Variants in TARS1 observed in about 807,000 individuals in gnomAD.
TARS1 encodes the protein threonine--tRNA ligase 1, cytoplasmic.
Under a neutral mutation model 97.7 loss-of-function variants are expected in TARS1, and 57 were observed. The ratio of observed to expected loss-of-function variants is 0.58; its 90% CI spans 0.47 to 0.73. The LOEUF (loss-of-function observed/expected upper bound fraction) is 0.73. TARS1 is among the 30% of genes least tolerant of loss of function. TARS1 has a pLI of 0.00. For synonymous variants in TARS1, 312 were observed against 293.7 expected, an observed-to-expected ratio of 1.06 and a Z score of -0.64; for missense variants, 806 against 888.3, an observed-to-expected ratio of 0.91 and a Z score of 1.18.
intron 2 of TARS1, 129 bp from the exon 3 acceptor site, chr5:33,448,412 G>A (rs1156287215): frequency 4.2e-6 from 3 of 711,626 alleles, no homozygotes; most frequent in Non-Finnish European, 6.3e-6. Context: ...GATTTTGGCA[G>A]TGTTTATTTA....
chr5:33,440,861 G>A, upstream of TARS1: 8 of 565,070 alleles, frequency 1.4e-5, no homozygotes, highest in Middle Eastern at 4.8e-4. Context: ...TCTGTCACCC[G>A]AAAAGATTTT....
intron 1 of TARS1, among the ~76,000 whole-genome samples, chr5:33,444,172 G>C (rs1741295643): frequency 1.4e-4 from 22 of 152,174 alleles, no homozygotes; most frequent in Admixed American, 1.4e-3. Context: ...CACATAATGT[G>C]TGATTCTATT....
chr5:33,453,459 A>G (rs1171109720), intron 4 of TARS1, 47 bp downstream of exon 4: 1 of 1,608,866 alleles, frequency 6.2e-7, no homozygotes, highest in Admixed American at 1.7e-5. Context: ...GCAGATTCAC[A>G]TTTGAAGTCT....
Position 33,455,045 on chromosome 5 carries a change from A to G in TARS1, c.554A>G (p.Tyr185Cys), listed in dbSNP as rs982320984. The G allele has an allele frequency of 1.2e-6, 2 of 1,613,710 alleles. No individual in the cohort carries two copies. Among genetic ancestry groups the G allele is most frequent in the Admixed American group, 1.7e-5 (1 of 59,972 alleles). ...CCGCCAATAGAAAATGGATTCTATT[A>G]TGACATGTACCTCGAAGAAGGGTAA... is the stretch of plus-strand genomic sequence containing the variant. The part of the protein sequence containing the change: ...YGPPIENGFY[Y>C]DMYLEEGGVS... Residue 185 changes from tyrosine to cysteine, a missense_variant, in exon 5 of 19, where the codon TAT becomes TGT. Tyr to Cys is a radical substitution (Grantham distance 194, BLOSUM62 -2). This residue lies in a region of TARS1 where 356 missense variants were observed against 357.8 expected (regional missense o/e 0.99). Coordinates refer to ENST00000265112, the MANE Select transcript of TARS1 (RefSeq NM_152295.5).
At position 33,461,666 on chromosome 5, in the gene TARS1, G is replaced by A; in HGVS notation, c.1552-1G>A. 2 of 1,612,282 alleles carry A rather than the reference G, an allele frequency of 1.2e-6. No homozygotes were observed. Among genetic ancestry groups the A allele is most frequent in the Non-Finnish European group, 1.7e-6 (2 of 1,179,576 alleles). On this transcript the variant is annotated splice_acceptor_variant, in intron 13 of 18. Coordinates refer to ENST00000265112, the MANE Select transcript of TARS1 (RefSeq NM_152295.5). LOFTEE classifies it high-confidence loss of function. ...TAAAAATCATTTTGCTTTATCCTCAGCAACTTGAAAACAGTCTGAATGAAT... is the reference window on the plus strand; with the variant it reads ...TAAAAATCATTTTGCTTTATCCTCAACAACTTGAAAACAGTCTGAATGAAT...
intron 2 of TARS1, among the ~76,000 whole-genome samples, chr5:33,447,081 C>T (rs763656792): frequency 6.6e-6 from 1 of 152,074 alleles, no homozygotes; most frequent in Non-Finnish European, 1.5e-5. Flanking sequence ...GGCCAAAATG[C>T]GCTGTGACTG....
rs761179112 is a variant in TARS1, at chr5:33,467,541, C to T, written c.2024-19C>T. On this transcript the variant is annotated intron_variant, in intron 18 of 18. Coordinates refer to ENST00000265112, the MANE Select transcript of TARS1 (RefSeq NM_152295.5). ...TATCTTTAGATTAAGTCTGACAAAG[C>T]TTTGTGTGTTTGTTTTAGTTGTTGG... The T allele has an allele frequency of 2.5e-6, 4 of 1,605,824 alleles. No individual in the cohort carries two copies. The highest frequency in any genetic ancestry group is 3.4e-5 in the Admixed American group (2 of 58,396).
At chr5:33,457,859 C>T (rs1742104783) in intron 9 of TARS1, among the ~76,000 whole-genome samples, 1 of 152,138 alleles carries the variant, frequency 6.6e-6, no homozygotes, top group Non-Finnish European at 1.5e-5. Flanking sequence ...TGAATGTCCT[C>T]TAAACTGGAA....
At chr5:33,461,114 A>G (rs150085561) in intron 12 of TARS1, 44 bp from the exon 13 acceptor site, 2 of 1,606,012 alleles carry the variant, frequency 1.2e-6, no homozygotes, top group Non-Finnish European at 1.7e-6. Context: ...CAAGAAAGTC[A>G]AGGAAAATAA....
At chr5:33,467,426 C>A in intron 18 of TARS1, 134 bp from the exon 19 acceptor site, 1 of 937,654 alleles carries the variant, frequency 1.1e-6, no homozygotes, top group Non-Finnish European at 1.5e-6. Context: ...AACACATGGT[C>A]ACTTGTACCT....
chr5:33,455,879 A>T, intron 6 of TARS1, 123 bp from the exon 7 acceptor site: 1 of 1,004,012 alleles, frequency 1.0e-6, no homozygotes, highest in East Asian at 2.6e-5. Flanking sequence ...CCATTCCTTC[A>T]ACATGTTTTT....
rs1187217006 is a variant in TARS1, at chr5:33,455,046, T to C, written c.555T>C (p.Tyr185=). The part of the protein sequence containing the change: ...YGPPIENGFY[Y]DMYLEEGGVS... ...CGCCAATAGAAAATGGATTCTATTA[T>C]GACATGTACCTCGAAGAAGGGTAAG... Residue 185 remains tyrosine, a synonymous_variant, in exon 5 of 19, where the codon TAT becomes TAC. Coordinates refer to ENST00000265112, the MANE Select transcript of TARS1 (RefSeq NM_152295.5). The C allele has an allele frequency of 1.9e-6, 3 of 1,613,712 alleles. No homozygotes were observed. The African/African-American group carries it at 4.0e-5, about 22-fold the overall frequency.
At chr5:33,462,968 C>T (rs530288799) in intron 16 of TARS1, among the ~76,000 whole-genome samples, 1 of 152,300 alleles carries the variant, frequency 6.6e-6, no homozygotes, top group African/African-American at 2.4e-5. Flanking sequence ...ACAAGATAAT[C>T]TCTAGATTTC....
At position 33,441,098 on chromosome 5, in the gene TARS1, G is replaced by C. The variant is rs760609246; in HGVS notation, c.12G>C (p.Glu4Asp). Residue 4 changes from glutamate (E) to aspartate (D), a missense_variant, in exon 1 of 19, where the codon GAG (glutamate) becomes GAC (aspartate). Physicochemically the swap from Glu to Asp is conservative, Grantham distance 45 (BLOSUM62 2). Coordinates refer to ENST00000265112, the MANE Select transcript of TARS1 (RefSeq NM_152295.5). Reference sequence around the variant, plus strand: ...TTCGTCGTTCGCCAATGTTTGAGGAGAAGGCCAGCAGTCCTTCAGGGAAGA... The same window carrying C: ...TTCGTCGTTCGCCAATGTTTGAGGACAAGGCCAGCAGTCCTTCAGGGAAGA... Reference protein sequence around the residue: MFEEKASSPSGKMG... With the variant: MFEDKASSPSGKMG... 2 of 1,614,116 alleles carry C rather than the reference G, an allele frequency of 1.2e-6. No homozygotes were observed. The highest frequency in any genetic ancestry group is 2.2e-5 in the South Asian group (2 of 91,096).
chr5:33,458,415 C>T (rs1276850136), intron 9 of TARS1, 151 bp from the exon 10 acceptor site: 1 of 550,082 alleles, frequency 1.8e-6, no homozygotes, highest in East Asian at 3.3e-5. Flanking sequence ...ATCAGAAACA[C>T]TGACATGGTT....
intron 7 of TARS1, 41 bp from the exon 8 acceptor site, chr5:33,456,108 T>C: frequency 6.2e-7 from 1 of 1,612,640 alleles, no homozygotes; most frequent in Non-Finnish European, 8.5e-7. Flanking sequence ...GGTATGTATG[T>C]CATTTTGTCT....
chr5:33,441,082 C>A lies in TARS1; in HGVS notation c.-5C>A. 2 of 1,614,182 alleles carry A rather than the reference C, an allele frequency of 1.2e-6. No individual in the cohort carries two copies. The highest frequency in any genetic ancestry group is 2.2e-5 in the South Asian group (2 of 91,082). ...CGGGTTCTCTCATCGCTTCGTCGTT[C>A]GCCAATGTTTGAGGAGAAGGCCAGC... On this transcript the variant is annotated 5_prime_UTR_variant, in exon 1 of 19. Transcript: ENST00000265112.
In TARS1 at chr5:33,466,865, C is replaced by A; in HGVS notation, c.1909-6C>A. ...TCTGACAAATTCTGTATCTCTGTTA[C>A]AATAGGTACGACAACAATTCCACGA... is the stretch of plus-strand genomic sequence containing the variant. On this transcript the variant is annotated splice_region_variant and splice_polypyrimidine_tract_variant and intron_variant, in intron 17 of 18. Coordinates refer to ENST00000265112, the MANE Select transcript of TARS1 (RefSeq NM_152295.5). The A allele has an allele frequency of 2.5e-6, 4 of 1,582,202 alleles. No individual in the cohort carries two copies. Among genetic ancestry groups the A allele is most frequent in the Non-Finnish European group, 3.4e-6 (4 of 1,161,018 alleles).
chr5:33,449,342 C>CAT (rs1491195863), intron 3 of TARS1, among the ~76,000 whole-genome samples: 1 of 99,804 alleles, frequency 1.0e-5, no homozygotes, highest in African/African-American at 4.7e-5. Context: ...TATATATACA[C>CAT]GTGTATATAT....
Sources: allele counts gnomAD v4.1 joint callset (sites outside exome capture counted in the v4.1 genomes callset), GRCh38; gene constraint gnomAD v4.1.1; regional missense constraint gnomAD v4.1.1; transcripts MANE v1.5; gene names NCBI Gene and HGNC (gene_info 2026-07-23, HGNC 2026-07-21).